Variants in EFCAB11 observed in about 807,000 individuals in gnomAD.
EFCAB11 encodes the protein EF-hand calcium binding domain 11, also known as EF-hand calcium-binding domain-containing protein 11.
In EFCAB11, 14 loss-of-function variants were observed where a neutral mutation model predicts 23.0. The observed-to-expected ratio is 0.61, with a 90% CI of 0.40 to 0.95. EFCAB11 has a LOEUF of 0.95. Ranked by LOEUF, EFCAB11 falls within the 40% of genes least tolerant of loss-of-function variation. The pLI is 0.00. For synonymous variants in EFCAB11, 65 were observed against 66.6 expected (o/e 0.98, Z 0.11); for missense variants, 198 against 195.8 (o/e 1.01, Z -0.07).
At chr14:89,803,026 A>T (rs1322670988) in intron 5 of EFCAB11, among the ~76,000 whole-genome samples, 1 of 152,086 alleles carries the variant, frequency 6.6e-6, no homozygotes, top group African/African-American at 2.4e-5. Flanking sequence ...GTTTGGCAGC[A>T]TCCCTGGCCT....
At chr14:89,896,921 G>A (rs1480358601) in intron 5 of EFCAB11, among the ~76,000 whole-genome samples, 2 of 152,074 alleles carry the variant, frequency 1.3e-5, no homozygotes, top group African/African-American at 4.8e-5. Flanking sequence ...TAGAGATGGG[G>A]TCTTGCTTAC....
intron 5 of EFCAB11, among the ~76,000 whole-genome samples, chr14:89,813,523 TTTTTGTTTTG>T (rs930346524): frequency 6.6e-6 from 1 of 152,156 alleles, no homozygotes; most frequent in Non-Finnish European, 1.5e-5. Context: ...TTGGTTTGTT[TTTTTGTTTTG>T]TTTTGTTTTG....
rs151184655 is a variant in EFCAB11 at position 89,852,753 on chromosome 14, T to A, written c.411-55429A>T. 3.0e-3 allele frequency among the ~76,000 whole-genome samples: 453 copies of A among 152,326 alleles called. 2 individuals carry two copies. The highest frequency in any genetic ancestry group is 0.01 in the African/African-American group (422 of 41,568). On this transcript the variant is annotated intron_variant, in intron 5 of 5. Coordinates refer to ENST00000316738, the MANE Select transcript of EFCAB11 (RefSeq NM_145231.4). ...CTAATGTGACATATTTTTAAAAGCT[T>A]TAACTGTATTAAAATATACATAATA...
At chr14:89,829,590 T>A (rs1886819005) in intron 5 of EFCAB11, among the ~76,000 whole-genome samples, 1 of 152,228 alleles carries the variant, frequency 6.6e-6, no homozygotes, top group Admixed American at 6.5e-5. Context: ...ATATCCTCAG[T>A]AGTTTTAATG....
At chr14:89,925,319 G>A (rs1890155180) in intron 5 of EFCAB11, among the ~76,000 whole-genome samples, 1 of 152,190 alleles carries the variant, frequency 6.6e-6, no homozygotes, top group Non-Finnish European at 1.5e-5. Context: ...AGGTTAAAGA[G>A]TTTTAACTAT....
At chr14:89,815,891 G>T (rs1886319804) in intron 5 of EFCAB11, among the ~76,000 whole-genome samples, 1 of 152,090 alleles carries the variant, frequency 6.6e-6, no homozygotes, top group South Asian at 2.1e-4. Context: ...AAGAAGAAAA[G>T]AATTTTAGCA....
At chr14:89,873,944 CCTCTTCTCACAG>C (rs1289762307) in intron 5 of EFCAB11, among the ~76,000 whole-genome samples, 8 of 152,170 alleles carry the variant, frequency 5.3e-5, no homozygotes, top group African/African-American at 1.9e-4. Context: ...GGATGGTGGC[CCTCTTCTCACAG>C]CTCCACTAGT....
chr14:89,853,794 A>C (rs1195982788), intron 5 of EFCAB11, among the ~76,000 whole-genome samples: 1 of 152,252 alleles, frequency 6.6e-6, no homozygotes, highest in Non-Finnish European at 1.5e-5. Flanking sequence ...GAATGTAGGT[A>C]GTACAATCTG....
chr14:89,932,659 GATT>G, intron 3 of EFCAB11, 32 bp from the exon 4 acceptor site: 1 of 1,521,830 alleles, frequency 6.6e-7, no homozygotes. Flanking sequence ...ATTTGTCAAA[GATT>G]ATTGTCTTCC....
chr14:89,935,006 A>C (rs573811672), intron 3 of EFCAB11, among the ~76,000 whole-genome samples: 8 of 152,298 alleles, frequency 5.3e-5, no homozygotes, highest in African/African-American at 1.9e-4. Flanking sequence ...CATGTATAGA[A>C]CACACTGCCT....
At position 89,931,601 on chromosome 14, in the gene EFCAB11, T is replaced by C; in HGVS notation, c.350A>G (p.Lys117Arg). ...GGGAGCCACCTGCCTAAATGCTTTT[T>C]TGAAATCTTCCAAAGTTAAAAATCC... is the stretch of plus-strand genomic sequence containing the variant. Reference protein sequence around the residue: ...YRGFLTLEDFKKAFRQVAPKL... With the variant: ...YRGFLTLEDFRKAFRQVAPKL... Residue 117 changes from lysine (K) to arginine (R), a missense_variant, in exon 5 of 6, where the codon AAA (lysine) becomes AGA (arginine). Coordinates refer to ENST00000316738, the MANE Select transcript of EFCAB11 (RefSeq NM_145231.4). The C allele has an allele frequency of 6.2e-7, 1 of 1,614,170 alleles. No individual in the cohort carries two copies. Among genetic ancestry groups the C allele is most frequent in the Non-Finnish European group, 8.5e-7 (1 of 1,180,030 alleles).
intron 5 of EFCAB11, among the ~76,000 whole-genome samples, chr14:89,834,818 C>T (rs1235094274): frequency 3.3e-5 from 5 of 152,092 alleles, no homozygotes; most frequent in Non-Finnish European, 2.9e-5. Flanking sequence ...GAGCTTCAGA[C>T]AGAGAAGATA....
chr14:89,910,371 G>T (rs1050293670), intron 5 of EFCAB11, among the ~76,000 whole-genome samples: 5 of 152,298 alleles, frequency 3.3e-5, no homozygotes, highest in Admixed American at 2.0e-4. Flanking sequence ...GCTGAGGCAG[G>T]CGGATCACTT....
chr14:89,795,901 G>C lies in EFCAB11; in HGVS notation c.*1342C>G, dbSNP rs918598631. 4 of 152,194 alleles carry C rather than the reference G, an allele frequency of 2.6e-5. No individual in the cohort carries two copies. The highest frequency in any genetic ancestry group is 9.7e-5 in the African/African-American group (4 of 41,430). The allele number at this position is 152,194 out of a possible 1,614,324, so 9.4% of individuals were successfully genotyped here. ...TTTGGAATTACCTTCACTAAATGCTGAGTGTCCAGCATTGCTGTTCTTGCT... is the reference window on the plus strand; with the variant it reads ...TTTGGAATTACCTTCACTAAATGCTCAGTGTCCAGCATTGCTGTTCTTGCT... On this transcript the variant is annotated 3_prime_UTR_variant, in exon 6 of 6. Coordinates refer to ENST00000316738, the MANE Select transcript of EFCAB11 (RefSeq NM_145231.4).
chr14:89,923,566 CA>C (rs1890088242), intron 5 of EFCAB11: 1 of 589,466 alleles, frequency 1.7e-6, no homozygotes, highest in Non-Finnish European at 2.1e-6. Flanking sequence ...GCCATTCACA[CA>C]GAAGGTATAG....
intron 5 of EFCAB11, among the ~76,000 whole-genome samples, chr14:89,884,532 A>G (rs1233865097): frequency 6.6e-6 from 1 of 152,216 alleles, no homozygotes; most frequent in African/African-American, 2.4e-5. Context: ...TTTATTTATC[A>G]CTATGTGGGA....
At chr14:89,897,027 G>A (rs1162395275) in intron 5 of EFCAB11, among the ~76,000 whole-genome samples, 5 of 151,906 alleles carry the variant, frequency 3.3e-5, no homozygotes, top group East Asian at 1.9e-4. Context: ...GTGCCCAGCC[G>A]CTAAACACAT....
chr14:89,916,966 G>A lies in EFCAB11; in HGVS notation c.410+14575C>T, dbSNP rs1055852300. 4.0e-5 allele frequency among the ~76,000 whole-genome samples: 6 copies of A among 151,674 alleles called. No individual in the cohort carries two copies. In the South Asian group the frequency reaches 1.0e-3, roughly 26 times the overall value. On this transcript the variant is annotated intron_variant, in intron 5 of 5. Transcript: ENST00000316738. ...TGACAAAAAATTGTCTATATTTAAG[G>A]TATACAAGATGACGTTTTTATAAAA...
intron 5 of EFCAB11, among the ~76,000 whole-genome samples, chr14:89,857,044 G>C (rs751833751): frequency 2.6e-5 from 4 of 152,126 alleles, no homozygotes; most frequent in Non-Finnish European, 5.9e-5. Flanking sequence ...AGTTCTCCTG[G>C]GTGCATGTGA....
Sources: allele counts gnomAD v4.1 joint callset (sites outside exome capture counted in the v4.1 genomes callset), GRCh38; gene constraint gnomAD v4.1.1; transcripts MANE v1.5; gene names NCBI Gene and HGNC (gene_info 2026-07-23, HGNC 2026-07-21).